Variants in NETO1 observed in about 807,000 individuals in gnomAD.
NETO1 encodes the protein neuropilin and tolloid like 1.
Under a neutral mutation model 61.3 loss-of-function variants are expected in NETO1, and 26 were observed. The ratio of observed to expected loss-of-function variants is 0.42; its 90% confidence interval spans 0.31 to 0.59. NETO1 has a LOEUF of 0.59. NETO1 is among the 20% of genes least tolerant of loss of function. NETO1 has a pLI of 0.12. For missense variants in NETO1, 531 were observed against 662.8 expected (o/e 0.80, Z 2.18); for synonymous variants, 225 against 225.8 (o/e 1.00, Z 0.03).
At chr18:72,826,296 G>A (rs996508078) in intron 4 of NETO1, among the ~76,000 whole-genome samples, 6 of 151,922 alleles carry the variant, frequency 3.9e-5, no homozygotes, top group Non-Finnish European at 7.4e-5. Flanking sequence ...TCTGATATTA[G>A]CTTTTTAGTA....
At chr18:72,781,659 G>A (rs938615332) in intron 7 of NETO1, among the ~76,000 whole-genome samples, 1 of 152,064 alleles carries the variant, frequency 6.6e-6, no homozygotes, top group Non-Finnish European at 1.5e-5. Flanking sequence ...AAGCCCAAAC[G>A]ATTTATTCGT....
At chr18:72,855,196 G>C (rs1290550384) in intron 4 of NETO1, among the ~76,000 whole-genome samples, 1 of 152,124 alleles carries the variant, frequency 6.6e-6, no homozygotes, top group East Asian at 1.9e-4. Context: ...ATATTGCAGA[G>C]GAGAGGCTCA....
At chr18:72,765,909 T>G (rs2071137977) in intron 7 of NETO1, among the ~76,000 whole-genome samples, 1 of 152,064 alleles carries the variant, frequency 6.6e-6, no homozygotes, top group Non-Finnish European at 1.5e-5. Context: ...AAAATGTCAT[T>G]AAAAATACAT....
intron 4 of NETO1, among the ~76,000 whole-genome samples, chr18:72,810,031 T>C (rs1350899667): frequency 6.6e-6 from 1 of 152,192 alleles, no homozygotes; most frequent in Non-Finnish European, 1.5e-5. Flanking sequence ...TCTAAAAAAA[T>C]AAAACATTGT....
At chr18:72,812,042 A>T (rs1378328240) in intron 4 of NETO1, among the ~76,000 whole-genome samples, 2 of 152,214 alleles carry the variant, frequency 1.3e-5, no homozygotes, top group Admixed American at 6.5e-5. Flanking sequence ...TAAAACCGCA[A>T]TTGTAAGTGT....
chr18:72,757,280 G>C (rs957982320), intron 7 of NETO1, among the ~76,000 whole-genome samples: 1 of 151,854 alleles, frequency 6.6e-6, no homozygotes, highest in African/African-American at 2.4e-5. Context: ...TATTACATAA[G>C]TTTTAGAGTT....
rs200543688 is a variant in NETO1 at position 72,783,674 on chromosome 18, T to G, written c.868+4A>C. 175 of 1,613,212 alleles carry G rather than the reference T, an allele frequency of 1.1e-4. 1 individual carries two copies. The highest frequency in any genetic ancestry group is 1.2e-4 in the Non-Finnish European group (136 of 1,179,286). ...GAAAAATAGTCAAGTGCAGAGAATC[T>G]TACGTTCTTGAAAGGATGTGAAGAG... On this transcript the variant is annotated splice_donor_region_variant and intron_variant, in intron 7 of 10. Transcript: ENST00000327305.
chr18:72,763,072 T>C (rs991451352), intron 7 of NETO1, among the ~76,000 whole-genome samples: 5 of 152,152 alleles, frequency 3.3e-5, no homozygotes, highest in African/African-American at 1.2e-4. Flanking sequence ...AACTTAAAGG[T>C]TTTTAATTTA....
rs117185900 is a variant in NETO1 at position 72,814,675 on chromosome 18, A to G, written c.470-20271T>C. Among the ~76,000 whole-genome samples the G allele has an allele frequency of 2.1e-3, 314 of 152,182 alleles. 2 individuals carry two copies. The highest frequency in any genetic ancestry group is 3.9e-3 in the Non-Finnish European group (265 of 67,946). ...AACTGTTTAAAATGTTAGGAAAAGA[A>G]TTATGCAAATTCAAAACCAAAGAGA... is the stretch of plus-strand genomic sequence containing the variant. On this transcript the variant is annotated intron_variant, in intron 4 of 10. Coordinates refer to ENST00000327305, the MANE Select transcript of NETO1 (RefSeq NM_138966.5).
At chr18:72,773,795 C>T (rs2071456124) in intron 7 of NETO1, among the ~76,000 whole-genome samples, 1 of 152,058 alleles carries the variant, frequency 6.6e-6, no homozygotes, top group South Asian at 2.1e-4. Flanking sequence ...ATTACCCAGT[C>T]TTGAGTATTT....
At chr18:72,752,433 C>G (rs745686940) in intron 8 of NETO1, among the ~76,000 whole-genome samples, 2 of 152,110 alleles carry the variant, frequency 1.3e-5, no homozygotes, top group African/African-American at 4.8e-5. Flanking sequence ...GCTGATGGTG[C>G]GAAGTCCAAG....
At chr18:72,777,909 C>A (rs72966350) in intron 7 of NETO1, among the ~76,000 whole-genome samples, 2,871 of 152,228 alleles carry the variant, frequency 0.019, 26 homozygotes, top group Non-Finnish European at 0.029. Context: ...GTGGCCCCAC[C>A]CCATGATTCG....
Position 72,750,104 on chromosome 18 carries a change from G to T in NETO1, c.1499C>A (p.Thr500Asn). Residue 500 changes from threonine (T) to asparagine (N), a missense_variant, in exon 9 of 11, where the codon ACC becomes AAC. Thr to Asn is a moderately conservative substitution (Grantham distance 65, BLOSUM62 0). Coordinates refer to ENST00000327305, the MANE Select transcript of NETO1 (RefSeq NM_138966.5). ...CDIDEIEEVP[T>N]TSHRLSRHDK... The stretch of plus-strand genomic sequence containing the variant: ...GTGTCTGGACAGCCTGTGACTGGTG[G>T]TCGGCACCTCTTCGATTTCATCTAT... 6.2e-7 allele frequency: 1 copy of T among 1,609,280 alleles called. No homozygotes were observed.
intron 6 of NETO1, among the ~76,000 whole-genome samples, chr18:72,785,690 A>T (rs2071890597): frequency 6.6e-6 from 1 of 152,184 alleles, no homozygotes; most frequent in Admixed American, 6.5e-5. Flanking sequence ...CTGGTGTATA[A>T]TTTTTAAAAA....
intron 7 of NETO1, among the ~76,000 whole-genome samples, chr18:72,780,790 C>G (rs1476824562): frequency 6.6e-6 from 1 of 152,138 alleles, no homozygotes; most frequent in Non-Finnish European, 1.5e-5. Flanking sequence ...ACATTTTGAA[C>G]AACAATAAAT....
intron 7 of NETO1, among the ~76,000 whole-genome samples, chr18:72,773,127 T>C (rs140394403): frequency 6.6e-6 from 1 of 151,866 alleles, no homozygotes; most frequent in Admixed American, 6.6e-5. Context: ...GATTCCCCCC[T>C]CTCCCAGTTC....
chr18:72,844,499 G>A (rs1165564542), intron 4 of NETO1, among the ~76,000 whole-genome samples: 4 of 152,130 alleles, frequency 2.6e-5, no homozygotes, highest in South Asian at 2.1e-4. Flanking sequence ...AGAGTTGTTC[G>A]CAATCTGAAT....
intron 7 of NETO1, among the ~76,000 whole-genome samples, chr18:72,780,390 A>AT (rs1012787249): frequency 1.3e-5 from 2 of 152,186 alleles, no homozygotes; most frequent in African/African-American, 2.4e-5. Flanking sequence ...TTGAAACTCT[A>AT]TTTTTTTGTA....
At chr18:72,800,839 C>T (rs1014116863) in intron 4 of NETO1, among the ~76,000 whole-genome samples, 8 of 152,054 alleles carry the variant, frequency 5.3e-5, no homozygotes, top group Non-Finnish European at 1.2e-4. Flanking sequence ...TTACTTTACC[C>T]CAACTTGATT....
Sources: gnomAD v4.1 joint callset for allele counts (sites outside exome capture counted in the v4.1 genomes callset) on GRCh38, gnomAD v4.1.1 for gene constraint, MANE v1.5 for transcripts, NCBI Gene and HGNC (gene_info 2026-07-23, HGNC 2026-07-21) for gene names.